AMPH: variants seen among roughly 807,000 people sequenced by gnomAD.
AMPH encodes amphiphysin, also known as amphiphysin (Stiff-Mann syndrome with breast cancer 128kD autoantigen).
A neutral mutation model predicts 99.1 loss-of-function variants in AMPH; 49 were observed. The ratio of observed to expected loss-of-function variants is 0.49; its 90% CI spans 0.39 to 0.63. AMPH has a LOEUF of 0.63. Ranked by LOEUF, AMPH falls within the 20% of genes least tolerant of loss-of-function variation. The pLI, the probability that AMPH is intolerant of heterozygous loss-of-function variation, is 0.00. For synonymous variants in AMPH, 314 were observed against 317.3 expected (o/e 0.99, Z 0.11); for missense variants, 759 against 863.4 (o/e 0.88, Z 1.52).
In AMPH at chr7:38,436,374, C is replaced by T. The variant is rs777572039; in HGVS notation, c.1032G>A (p.Glu344=). 4 of 1,613,848 alleles carry T rather than the reference C, an allele frequency of 2.5e-6. No individual in the cohort carries two copies. Among genetic ancestry groups the T allele is most frequent in the African/African-American group, 2.7e-5 (2 of 74,914 alleles). The change falls in exon 12 of 21, where the codon GAG becomes GAA. Residue 344 remains glutamate (E), a synonymous_variant. Transcript: ENST00000356264. ...CCAGCAAAGTCTCCTCTTTCTTCAC[C>T]TCAGGGACTTCATTCTGTTAAAGCA... ...VTTPSQNEVP[E]VKKEETLLDL...
intron 11 of AMPH, among the ~76,000 whole-genome samples, chr7:38,443,232 CAAAAG>C (rs1444605273): frequency 6.6e-6 from 1 of 151,822 alleles, no homozygotes. Context: ...TATATCAAAA[CAAAAG>C]AAAACACAAC....
At chr7:38,595,382 T>C (rs1194996914) in intron 1 of AMPH, among the ~76,000 whole-genome samples, 1 of 152,120 alleles carries the variant, frequency 6.6e-6, no homozygotes, top group Non-Finnish European at 1.5e-5. Flanking sequence ...ATGTCTGCAG[T>C]CTGGGCTGAA....
At chr7:38,507,198 G>A (rs1406463087) in intron 2 of AMPH, among the ~76,000 whole-genome samples, 1 of 151,156 alleles carries the variant, frequency 6.6e-6, no homozygotes, top group Non-Finnish European at 1.5e-5. Context: ...AAACACTGCA[G>A]AGTTTTTTTT....
At chr7:38,468,080 C>A (rs1787734479) in intron 7 of AMPH, among the ~76,000 whole-genome samples, 5 of 152,106 alleles carry the variant, frequency 3.3e-5, no homozygotes, top group Admixed American at 3.3e-4. Flanking sequence ...AAGGTATTTG[C>A]TGGTAAAAGG....
At position 38,423,723 on chromosome 7, in the gene AMPH, T is replaced by G. The variant is rs1392562425; in HGVS notation, c.1216-1246A>C. 2.0e-5 allele frequency among the ~76,000 whole-genome samples: 3 copies of G among 152,082 alleles called. No homozygotes were observed. In the East Asian group the frequency reaches 5.8e-4, roughly 29 times the overall value. On this transcript the variant is annotated intron_variant, in intron 15 of 20. Coordinates refer to ENST00000356264, the MANE Select transcript of AMPH (RefSeq NM_001635.4). ...CCGATTTGTTCCTTAGAACTCCCAG[T>G]GGTGAAAAATTAGAAGCATAAAGAG...
intron 17 of AMPH, among the ~76,000 whole-genome samples, chr7:38,398,043 C>A: frequency 6.7e-6 from 1 of 149,908 alleles, no homozygotes; most frequent in Non-Finnish European, 1.5e-5. Context: ...AAAGAAACCT[C>A]ATATACTGTT....
At chr7:38,441,202 C>T (rs536606869) in intron 11 of AMPH, among the ~76,000 whole-genome samples, 1 of 151,930 alleles carries the variant, frequency 6.6e-6, no homozygotes, top group African/African-American at 2.4e-5. Flanking sequence ...TTTATGCACT[C>T]AATTAGAGAG....
At chr7:38,432,438 C>A (rs527622805) in intron 12 of AMPH, among the ~76,000 whole-genome samples, 13 of 152,290 alleles carry the variant, frequency 8.5e-5, no homozygotes, top group Admixed American at 2.0e-4. Context: ...GCTAGGGTAA[C>A]AAAACCACAT....
chr7:38,474,123 G>A (rs1427936820), intron 7 of AMPH, among the ~76,000 whole-genome samples: 1 of 152,036 alleles, frequency 6.6e-6, no homozygotes, highest in Non-Finnish European at 1.5e-5. Flanking sequence ...CCAGAGAAAG[G>A]GAGAGTGATC....
intron 17 of AMPH, among the ~76,000 whole-genome samples, chr7:38,405,378 T>C (rs1324812793): frequency 6.6e-6 from 1 of 152,060 alleles, no homozygotes; most frequent in Non-Finnish European, 1.5e-5. Context: ...TGAGCATAAA[T>C]AGCCTTAATG....
At chr7:38,410,362 C>T (rs1276267142) in intron 17 of AMPH, among the ~76,000 whole-genome samples, 1 of 152,186 alleles carries the variant, frequency 6.6e-6, no homozygotes, top group Non-Finnish European at 1.5e-5. Flanking sequence ...AACCTGGGAC[C>T]CAACCCAGAT....
chr7:38,409,461 G>A lies in AMPH; in HGVS notation c.1398+8364C>T, dbSNP rs950632055. 2.0e-5 allele frequency among the ~76,000 whole-genome samples: 3 copies of A among 152,280 alleles called. No individual in the cohort carries two copies. In the East Asian group the frequency reaches 5.8e-4, roughly 29 times the overall value. On this transcript the variant is annotated intron_variant, in intron 17 of 20. Transcript: ENST00000356264. Reference sequence around the variant, plus strand: ...CGTGAACTATATTTAAAACAATTCAGGTCATAATTTTCCTTCAGTGTGACT... The same window carrying A: ...CGTGAACTATATTTAAAACAATTCAAGTCATAATTTTCCTTCAGTGTGACT...
intron 1 of AMPH, among the ~76,000 whole-genome samples, chr7:38,554,497 A>C (rs1791294344): frequency 6.6e-6 from 1 of 152,230 alleles, no homozygotes; most frequent in African/African-American, 2.4e-5. Context: ...TTTAAAAAAA[A>C]TCAAAGATAT....
At chr7:38,532,239 C>G (rs74562904) in intron 2 of AMPH, among the ~76,000 whole-genome samples, 3,669 of 152,204 alleles carry the variant, frequency 0.024, 161 homozygotes, top group African/African-American at 0.083. Context: ...GTAAGGCACT[C>G]TCCTTCCTCA....
At chr7:38,507,941 G>GT (rs1366150382) in intron 2 of AMPH, among the ~76,000 whole-genome samples, 1 of 152,112 alleles carries the variant, frequency 6.6e-6, no homozygotes, top group African/African-American at 2.4e-5. Context: ...GAGTCAAGCT[G>GT]TTTTTTGTTT....
chr7:38,526,433 C>CGTTT (rs766202173), intron 2 of AMPH, among the ~76,000 whole-genome samples: 1 of 72,566 alleles, frequency 1.4e-5, no homozygotes, highest in African/African-American at 5.9e-5. Flanking sequence ...CCATGCCCGG[C>CGTTT]TTTTTTTTTT....
At chr7:38,505,900 T>A (rs1789307570) in intron 2 of AMPH, among the ~76,000 whole-genome samples, 1 of 152,166 alleles carries the variant, frequency 6.6e-6, no homozygotes, top group African/African-American at 2.4e-5. Context: ...TGTCAATCTA[T>A]GCTGCAACTC....
intron 7 of AMPH, among the ~76,000 whole-genome samples, chr7:38,466,654 C>T (rs148358225): frequency 2.4e-3 from 365 of 152,076 alleles, no homozygotes; most frequent in African/African-American, 7.5e-3. Flanking sequence ...GCCCTGAGAA[C>T]TTATTTATAT....
chr7:38,389,679 A>T, intron 20 of AMPH, 125 bp downstream of exon 20: 1 of 761,396 alleles, frequency 1.3e-6, no homozygotes, highest in Non-Finnish European at 2.3e-6. Context: ...ACAAGCCCTT[A>T]AGCCCTTTTC....
Sources: allele counts gnomAD v4.1 joint callset (sites outside exome capture counted in the v4.1 genomes callset), GRCh38; gene constraint gnomAD v4.1.1; transcripts MANE v1.5; gene names NCBI Gene and HGNC (gene_info 2026-07-23, HGNC 2026-07-21).